DLGAP2: variants seen among roughly 807,000 people sequenced by gnomAD.
DLGAP2 encodes the protein DLG associated protein 2, also known as disks large-associated protein 2.
In DLGAP2, 26 loss-of-function variants were observed where a neutral mutation model predicts 100.3. That is an observed-to-expected ratio of 0.26 (90% CI 0.19 to 0.36). The LOEUF is 0.36. Among genes scored for constraint, DLGAP2 ranks in the 10% least tolerant of loss-of-function variants. The pLI, the probability that DLGAP2 is intolerant of heterozygous loss-of-function variation, is 1.00. For missense variants in DLGAP2, 1,858 were observed against 1,453.2 expected (o/e 1.28, Z -4.53); for synonymous variants, 886 against 630.1 (o/e 1.41, Z -6.08).
intron 6 of DLGAP2, among the ~76,000 whole-genome samples, chr8:1,568,338 A>AT (rs1802496333): frequency 1.1e-4 from 4 of 36,146 alleles, no homozygotes; most frequent in East Asian, 7.7e-4. Context: ...ACACAAATCC[A>AT]CTCTGCCCGT....
intron 1 of DLGAP2, among the ~76,000 whole-genome samples, chr8:803,187 G>A (rs1015804955): frequency 1.5e-4 from 23 of 152,198 alleles, no homozygotes; most frequent in Middle Eastern, 6.8e-3. Flanking sequence ...CCCAGGCCCC[G>A]TCAGGGTCAG....
chr8:1,307,967 C>G (rs1268476976), intron 3 of DLGAP2, among the ~76,000 whole-genome samples: 1 of 152,094 alleles, frequency 6.6e-6, no homozygotes, highest in Non-Finnish European at 1.5e-5. Context: ...ATGTCCTTAA[C>G]ACACCACAGA....
At chr8:1,028,242 G>C (rs1420243486) in intron 2 of DLGAP2, among the ~76,000 whole-genome samples, 2 of 142,456 alleles carry the variant, frequency 1.4e-5, no homozygotes, top group Admixed American at 6.9e-5. Flanking sequence ...TTATTCTCCA[G>C]GTGGGGTGTC....
At chr8:1,033,925 A>ACG (rs1802053174) in intron 2 of DLGAP2, among the ~76,000 whole-genome samples, 1 of 18,702 alleles carries the variant, frequency 5.3e-5, no homozygotes, top group Non-Finnish European at 1.1e-4. Flanking sequence ...TCCCGACCCC[A>ACG]TGTGTCACCG....
At chr8:1,537,972 G>A (rs1414777852) in intron 4 of DLGAP2, among the ~76,000 whole-genome samples, 2 of 152,196 alleles carry the variant, frequency 1.3e-5, no homozygotes, top group African/African-American at 2.4e-5. Flanking sequence ...GTGAATCAGA[G>A]GAAGATACTG....
chr8:1,048,602 G>A (rs78507873), intron 2 of DLGAP2, among the ~76,000 whole-genome samples: 8,950 of 151,754 alleles, frequency 0.059, 852 homozygotes, highest in African/African-American at 0.21. Flanking sequence ...AATACTTGGT[G>A]TGTTTCCTTG....
chr8:1,668,196 G>T, intron 8 of DLGAP2, 133 bp from the exon 9 acceptor site: 1 of 768,268 alleles, frequency 1.3e-6, no homozygotes, highest in Admixed American at 3.2e-5. Context: ...CTCATTTCAC[G>T]CTATTTTTTT....
chr8:1,407,491 T>A (rs113688989), intron 3 of DLGAP2, among the ~76,000 whole-genome samples: 1 of 145,354 alleles, frequency 6.9e-6, no homozygotes, highest in Non-Finnish European at 1.5e-5. Context: ...GTGTATTGAG[T>A]GCTTACTGAG....
chr8:977,436 G>C (rs1800194538), intron 2 of DLGAP2, among the ~76,000 whole-genome samples: 1 of 152,178 alleles, frequency 6.6e-6, no homozygotes, highest in Non-Finnish European at 1.5e-5. Context: ...TCAAAACTAG[G>C]TTTCTGACCC....
At chr8:1,283,856 G>A (rs1421794623) in intron 3 of DLGAP2, among the ~76,000 whole-genome samples, 3 of 152,082 alleles carry the variant, frequency 2.0e-5, no homozygotes, top group Non-Finnish European at 4.4e-5. Context: ...AAACTACATC[G>A]TTCGTGGGAT....
intron 3 of DLGAP2, among the ~76,000 whole-genome samples, chr8:1,374,144 G>T (rs1035142168): frequency 3.3e-5 from 5 of 150,936 alleles, no homozygotes; most frequent in East Asian, 1.9e-4. Context: ...ACAGAGGGCT[G>T]TGTAGTGTGG....
chr8:1,459,258 T>G (rs1584925234), intron 3 of DLGAP2, among the ~76,000 whole-genome samples: 1 of 136,888 alleles, frequency 7.3e-6, no homozygotes, highest in South Asian at 2.3e-4. Context: ...GACAGCCAGC[T>G]GGTTTACATG....
intron 2 of DLGAP2, among the ~76,000 whole-genome samples, chr8:1,059,391 C>G (rs1330725140): frequency 1.3e-5 from 2 of 152,168 alleles, no homozygotes; most frequent in Non-Finnish European, 2.9e-5. Context: ...TGGAGCCGCA[C>G]TCCTGAGCCC....
At chr8:1,476,213 A>G (rs1244666350) in intron 3 of DLGAP2, among the ~76,000 whole-genome samples, 2 of 152,208 alleles carry the variant, frequency 1.3e-5, no homozygotes, top group Non-Finnish European at 2.9e-5. Context: ...TCGTCCTGGT[A>G]CATCTCTTAG....
At chr8:1,212,935 A>G (rs1798136224) in intron 2 of DLGAP2, among the ~76,000 whole-genome samples, 1 of 152,138 alleles carries the variant, frequency 6.6e-6, no homozygotes, top group Non-Finnish European at 1.5e-5. Flanking sequence ...CTCTTCATAT[A>G]GATCAGAAAC....
At chr8:840,044 G>A (rs1399978652) in intron 1 of DLGAP2, among the ~76,000 whole-genome samples, 3 of 80,500 alleles carry the variant, frequency 3.7e-5, no homozygotes, top group Admixed American at 1.3e-4. Context: ...TCCACACGGT[G>A]CACGCCTGCA....
chr8:927,929 G>C lies in DLGAP2; in HGVS notation c.73+19963G>C, dbSNP rs985806714. ...CAAGTTCCCCTGAAGGGGCAGAGCA[G>C]TGCCAGGCCCATCAGATGCCATGGG... On this transcript the variant is annotated intron_variant, in intron 2 of 14. Coordinates refer to ENST00000637795, the MANE Select transcript of DLGAP2 (RefSeq NM_001346810.2). 5.3e-5 allele frequency among the ~76,000 whole-genome samples: 8 copies of C among 152,240 alleles called. No individual in the cohort carries two copies. The South Asian group carries it at 1.7e-3, about 32-fold the overall frequency.
At chr8:1,430,029 C>CATATATATATATATATATATATATAT in intron 3 of DLGAP2, among the ~76,000 whole-genome samples, 1 of 39,256 alleles carries the variant, frequency 2.5e-5, no homozygotes, top group Non-Finnish European at 4.5e-5. Context: ...TATATATATA[C>CATATATATATATATATATATATATAT]ACACACACAC....
intron 1 of DLGAP2, among the ~76,000 whole-genome samples, chr8:805,919 A>G (rs774425539): frequency 1.2e-4 from 18 of 152,326 alleles, no homozygotes; most frequent in Middle Eastern, 3.4e-3. Flanking sequence ...CTACAAGCAT[A>G]TTTCTAGGGG....
Sources: gnomAD v4.1 joint callset for allele counts (sites outside exome capture counted in the v4.1 genomes callset) on GRCh38, gnomAD v4.1.1 for gene constraint, MANE v1.5 for transcripts, NCBI Gene and HGNC (gene_info 2026-07-23, HGNC 2026-07-21) for gene names.